The following PRKCE variants were observed in gnomAD, a reference collection of about 807,000 sequenced individuals.
PRKCE encodes the protein protein kinase C epsilon type.
PRKCE carries 16 observed loss-of-function variants against 85.4 expected under a neutral mutation model. The ratio of observed to expected loss-of-function variants is 0.19; its 90% CI spans 0.13 to 0.28. The LOEUF (loss-of-function observed/expected upper bound fraction) is 0.28. PRKCE is among the 10% of genes least tolerant of loss of function. The probability of loss-of-function intolerance (pLI) is 1.00; values close to 1 mark genes in which losing one functional copy is unlikely to be tolerated. For missense variants in PRKCE, 573 were observed against 975.2 expected (o/e 0.59, Z 5.49); for synonymous variants, 388 against 371.5 (o/e 1.04, Z -0.51).
At position 46,085,736 on chromosome 2, in the gene PRKCE, GTTTTTTTTTTTTGTTTTTGT is replaced by G. The variant is rs775754216; in HGVS notation, c.1438-459_1438-440del. On this transcript the variant is annotated intron_variant, in intron 10 of 14. Coordinates refer to ENST00000306156, the MANE Select transcript of PRKCE (RefSeq NM_005400.3). Reference sequence around the variant, plus strand: ...TCACTTAATTACATCTGCAAAATCCGTTTTTTTTTTTTGTTTTTGTTTTTTTTTTTTTTTTTAGCCATATA... The same window carrying G: ...TCACTTAATTACATCTGCAAAATCCGTTTTTTTTTTTTTTTTAGCCATATA... Among the ~76,000 whole-genome samples the G allele has an allele frequency of 2.0e-3, 214 of 104,482 alleles. 11 individuals carry two copies. The highest frequency in any genetic ancestry group is 4.3e-3 in the East Asian group (13 of 3,022). The allele number at this position is 104,482 out of a possible 152,430, so 68.5% of individuals were successfully genotyped here.
chr2:45,707,193 G>A (rs1409300773), intron 1 of PRKCE, among the ~76,000 whole-genome samples: 3 of 152,212 alleles, frequency 2.0e-5, no homozygotes, highest in South Asian at 2.1e-4. Context: ...ATATTCCTCG[G>A]CTGGAGCATG....
chr2:45,713,287 G>A (rs976487884), intron 1 of PRKCE, among the ~76,000 whole-genome samples: 6 of 152,206 alleles, frequency 3.9e-5, no homozygotes, highest in African/African-American at 1.2e-4. Context: ...TGCCAGATGG[G>A]AAGAGCCACA....
chr2:45,750,104 T>G (rs1683431909), intron 1 of PRKCE, among the ~76,000 whole-genome samples: 1 of 152,250 alleles, frequency 6.6e-6, no homozygotes, highest in Non-Finnish European at 1.5e-5. Context: ...AAAGGGTTGG[T>G]GCATCCTGTT....
At chr2:45,814,140 C>G (rs1403062424) in intron 1 of PRKCE, among the ~76,000 whole-genome samples, 1 of 152,140 alleles carries the variant, frequency 6.6e-6, no homozygotes, top group African/African-American at 2.4e-5. Context: ...GGTGACTACT[C>G]TCCTGCCACT....
intron 10 of PRKCE, among the ~76,000 whole-genome samples, chr2:46,025,139 T>C (rs1046313254): frequency 6.6e-6 from 1 of 152,152 alleles, no homozygotes; most frequent in African/African-American, 2.4e-5. Context: ...TTATAAAATG[T>C]TTACAAAAGA....
At chr2:45,699,154 C>G (rs1377778794) in intron 1 of PRKCE, among the ~76,000 whole-genome samples, 2 of 151,980 alleles carry the variant, frequency 1.3e-5, no homozygotes, top group African/African-American at 2.4e-5. Context: ...CCCCAACTCC[C>G]TCCTGTCCTC....
At chr2:45,938,075 C>T (rs1260778925) in intron 2 of PRKCE, among the ~76,000 whole-genome samples, 3 of 152,346 alleles carry the variant, frequency 2.0e-5, no homozygotes, top group Middle Eastern at 3.4e-3. Flanking sequence ...TCTTGTTCTC[C>T]TCCCTCTGTT....
At chr2:45,792,835 A>G (rs941122290) in intron 1 of PRKCE, among the ~76,000 whole-genome samples, 2 of 152,180 alleles carry the variant, frequency 1.3e-5, no homozygotes, top group South Asian at 2.1e-4. Context: ...GTCTTGCTCC[A>G]TCACCCAGGC....
At chr2:45,947,427 A>T (rs1366871669) in intron 2 of PRKCE, among the ~76,000 whole-genome samples, 1 of 152,214 alleles carries the variant, frequency 6.6e-6, no homozygotes, top group East Asian at 1.9e-4. Flanking sequence ...ATGACAGAAT[A>T]TATACAAAAC....
intron 1 of PRKCE, among the ~76,000 whole-genome samples, chr2:45,727,412 T>C (rs1332422023): frequency 1.3e-5 from 2 of 152,130 alleles, no homozygotes; most frequent in Non-Finnish European, 2.9e-5. Context: ...ATGGGAGAGA[T>C]CACTGGGGGC....
intron 1 of PRKCE, among the ~76,000 whole-genome samples, chr2:45,779,674 A>C (rs1165098843): frequency 6.6e-6 from 1 of 151,986 alleles, no homozygotes; most frequent in African/African-American, 2.4e-5. Context: ...TAATAGTTAA[A>C]CGTTTGGGGT....
intron 2 of PRKCE, among the ~76,000 whole-genome samples, chr2:45,910,248 A>G (rs1697287174): frequency 6.6e-6 from 1 of 152,210 alleles, no homozygotes; most frequent in South Asian, 2.1e-4. Flanking sequence ...TCTGAAGGCC[A>G]TTGTCACTGT....
chr2:45,878,471 G>A (rs13413851), intron 2 of PRKCE, among the ~76,000 whole-genome samples: 89,918 of 152,020 alleles, frequency 0.59, 27,397 homozygotes, highest in East Asian at 0.97. Flanking sequence ...ATCTTTGAGC[G>A]GGCTCTGATC....
intron 1 of PRKCE, among the ~76,000 whole-genome samples, chr2:45,735,655 T>C (rs1020873343): frequency 6.6e-6 from 1 of 152,188 alleles, no homozygotes; most frequent in Non-Finnish European, 1.5e-5. Context: ...AGATGGGAAG[T>C]GGCAGGAAAG....
intron 1 of PRKCE, among the ~76,000 whole-genome samples, chr2:45,834,749 C>T (rs80155317): frequency 8.4e-4 from 128 of 152,282 alleles, no homozygotes; most frequent in African/African-American, 3.0e-3. Context: ...AGATCTTTTT[C>T]AGTCTTTTTT....
chr2:46,019,434 A>AC (rs532765986), intron 10 of PRKCE, among the ~76,000 whole-genome samples: 95 of 152,312 alleles, frequency 6.2e-4, no homozygotes, highest in African/African-American at 2.1e-3. Context: ...GGTTCCACCC[A>AC]CCCATAACCC....
At chr2:45,801,510 TGAGGG>T (rs1187859090) in intron 1 of PRKCE, among the ~76,000 whole-genome samples, 4 of 31,002 alleles carry the variant, frequency 1.3e-4, no homozygotes, top group African/African-American at 1.2e-3. Flanking sequence ...GTGCTGAGGG[TGAGGG>T]TGAGGGAGAG....
At chr2:46,010,731 G>A in intron 10 of PRKCE, 1 of 1,598,396 alleles carries the variant, frequency 6.3e-7, no homozygotes, top group Non-Finnish European at 8.5e-7. Context: ...GGATGAGAGA[G>A]CTGTAGAATT....
At chr2:46,162,439 A>G (rs929170883) in intron 14 of PRKCE, among the ~76,000 whole-genome samples, 1 of 152,138 alleles carries the variant, frequency 6.6e-6, no homozygotes, top group Non-Finnish European at 1.5e-5. Context: ...CAGACTTCTT[A>G]AAGACTGACT....
Sources: gnomAD v4.1 joint callset for allele counts (sites outside exome capture counted in the v4.1 genomes callset) on GRCh38, gnomAD v4.1.1 for gene constraint, MANE v1.5 for transcripts, NCBI Gene and HGNC (gene_info 2026-07-23, HGNC 2026-07-21) for gene names.